Variants in NUP88 observed in about 807,000 individuals in gnomAD.
The protein encoded by NUP88 is nuclear pore complex protein Nup88.
A neutral mutation model predicts 93.9 loss-of-function variants in NUP88; 57 were observed. That is an observed-to-expected ratio of 0.61 (90% confidence interval 0.49 to 0.76). The LOEUF is 0.76. NUP88 is among the 30% of genes least tolerant of loss of function. NUP88 has a pLI of 0.00. For missense variants in NUP88, 911 were observed against 901.0 expected, an observed-to-expected ratio of 1.01 and a Z score of -0.14; for synonymous variants, 346 against 336.8, an observed-to-expected ratio of 1.03 and a Z score of -0.30.
chr17:5,415,743 CT>C (rs1437964556), intron 2 of NUP88, among the ~76,000 whole-genome samples: 2 of 152,182 alleles, frequency 1.3e-5, no homozygotes, highest in Non-Finnish European at 2.9e-5. Flanking sequence ...CCATTTTCAA[CT>C]TACACTGGGT....
At chr17:5,416,140 A>G (rs1431293787) in intron 2 of NUP88, among the ~76,000 whole-genome samples, 1 of 107,444 alleles carries the variant, frequency 9.3e-6, no homozygotes, top group African/African-American at 3.7e-5. Flanking sequence ...GCAAGACTCC[A>G]TCTCAAAAAA....
intron 11 of NUP88, chr17:5,388,237 G>T (rs1912173481): frequency 5.7e-6 from 1 of 176,050 alleles, no homozygotes; most frequent in Non-Finnish European, 1.2e-5. Context: ...CTGACCTTAG[G>T]TGATCCGCCT....
chr17:5,413,886 G>T, intron 3 of NUP88, 123 bp downstream of exon 3: 1 of 987,432 alleles, frequency 1.0e-6, no homozygotes, highest in Non-Finnish European at 1.5e-6. Flanking sequence ...GGTTACAACA[G>T]CCATCCAATA....
chr17:5,399,696 T>TA, intron 7 of NUP88, 46 bp from the exon 8 acceptor site: 5 of 1,020,494 alleles, frequency 4.9e-6, no homozygotes, highest in Non-Finnish European at 7.3e-6. Context: ...AGTGGATAAC[T>TA]AAAAAAATTT....
At chr17:5,408,025 C>T (rs1332913633) in intron 5 of NUP88, among the ~76,000 whole-genome samples, 5 of 152,048 alleles carry the variant, frequency 3.3e-5, no homozygotes, top group Admixed American at 6.6e-5. Context: ...ACTCTTTTAA[C>T]GAGGTATTTT....
chr17:5,386,798 T>G lies in NUP88; in HGVS notation c.2072A>C (p.Gln691Pro), dbSNP rs1204099758. ...AAGACTCAACACCTTCTCCATCTTT[T>G]GCTGTTGATAATCCTTTTTCATAGT... ...QVTMKKDYQQ[Q>P]KMEKVLSLPK... Residue 691 changes from glutamine to proline, a missense_variant, in exon 16 of 17, where the codon CAA (glutamine) becomes CCA (proline). Transcript: ENST00000573584. The G allele has an allele frequency of 1.2e-5, 20 of 1,613,836 alleles. No individual in the cohort carries two copies. Among genetic ancestry groups the G allele is most frequent in the Non-Finnish European group, 1.4e-5 (17 of 1,179,796 alleles).
chr17:5,404,112 G>A lies in NUP88; in HGVS notation c.1179C>T (p.Val393=), dbSNP rs780620399. The change falls in exon 7 of 17, where the codon GTC becomes GTT. Residue 393 remains valine (V), a synonymous_variant. Transcript: ENST00000573584. ...TGAAGAGCTTACCTCTATGAAGTTT[G>A]ACTGGACAAGAAAAGTCAGAATCAA... is the stretch of plus-strand genomic sequence containing the variant. ...DPFDSDFSCP[V]KLHRDPKCPS... 2.5e-6 allele frequency: 4 copies of A among 1,613,912 alleles called. No homozygotes were observed. The highest frequency in any genetic ancestry group is 2.2e-5 in the South Asian group (2 of 91,048).
At chr17:5,416,782 G>C in intron 1 of NUP88, 100 bp from the exon 2 acceptor site, 1 of 963,614 alleles carries the variant, frequency 1.0e-6, no homozygotes. Flanking sequence ...TACAATTATA[G>C]GATAATAAAA....
In NUP88 at chr17:5,399,718, G is replaced by A. The variant is rs1234379804; in HGVS notation, c.1193-68C>T. The A allele has an allele frequency of 1.5e-5, 12 of 778,216 alleles. No individual in the cohort carries two copies. In the East Asian group the frequency reaches 3.3e-4, roughly 21 times the overall value. The allele number at this position is 778,216 out of a possible 1,614,324, so 48.2% of individuals were successfully genotyped here. ...AACTAAAAAAATTTACCTCAAATTT[G>A]TTGGCTACTCCACATTAGCCTACAA... On this transcript the variant is annotated intron_variant, in intron 7 of 16. Transcript: ENST00000573584.
At chr17:5,396,474 T>G (rs1912782886) in intron 8 of NUP88, among the ~76,000 whole-genome samples, 1 of 152,232 alleles carries the variant, frequency 6.6e-6, no homozygotes, top group Admixed American at 6.5e-5. Context: ...CTTCATTCCT[T>G]TTCATTGTTG....
chr17:5,386,897 G>T, intron 15 of NUP88, 71 bp from the exon 16 acceptor site: 1 of 1,586,514 alleles, frequency 6.3e-7, no homozygotes, highest in African/African-American at 1.4e-5. Context: ...ATTTGAATCT[G>T]TTCTTTTTAC....
rs756158350 is a variant in NUP88, at chr17:5,385,115, T to C, written c.*1091A>G. 3.7e-4 allele frequency: 85 copies of C among 229,476 alleles called. No homozygotes were observed. The highest frequency in any genetic ancestry group is 6.0e-4 in the Non-Finnish European group (70 of 115,810). The allele number at this position is 229,476 out of a possible 1,614,324, so 14.2% of individuals were successfully genotyped here. A position where few individuals can be genotyped will look rare whatever the true frequency, so the allele number is the denominator to read the frequency against. On this transcript the variant is annotated 3_prime_UTR_variant, in exon 17 of 17. Transcript: ENST00000573584. Reference sequence around the variant, plus strand: ...AGGGAATGGTTAGTGGTCTCTACTGTGGCAAATGCCAACTGTTGGAATTCA... The same window carrying C: ...AGGGAATGGTTAGTGGTCTCTACTGCGGCAAATGCCAACTGTTGGAATTCA...
chr17:5,386,130 A>C lies in NUP88; in HGVS notation c.*76T>G, dbSNP rs1911941754. 2.8e-6 allele frequency: 3 copies of C among 1,086,770 alleles called. No individual in the cohort carries two copies. The South Asian group carries it at 4.5e-5, about 16-fold the overall frequency. The allele number at this position is 1,086,770 out of a possible 1,614,324, so 67.3% of individuals were successfully genotyped here. Reference sequence around the variant, plus strand: ...CAAAACACCTTTTTATAAATTAGATAATTCTACCTGTTTTACAATATGGGT... The same window carrying C: ...CAAAACACCTTTTTATAAATTAGATCATTCTACCTGTTTTACAATATGGGT... On this transcript the variant is annotated 3_prime_UTR_variant, in exon 17 of 17. Transcript: ENST00000573584.
At chr17:5,390,394 A>G (rs1912340896) in intron 10 of NUP88, among the ~76,000 whole-genome samples, 1 of 152,048 alleles carries the variant, frequency 6.6e-6, no homozygotes, top group Non-Finnish European at 1.5e-5. Flanking sequence ...CACAAAATTT[A>G]TATTTATTTT....
rs765573364 is a variant in NUP88 at position 5,387,368 on chromosome 17, G to C, written c.1916+18C>G. 1 of 1,601,908 alleles carries C rather than the reference G, an allele frequency of 6.2e-7. No homozygotes were observed. Among genetic ancestry groups the C allele is most frequent in the Non-Finnish European group, 8.6e-7 (1 of 1,169,172 alleles). On this transcript the variant is annotated intron_variant, in intron 14 of 16. Transcript: ENST00000573584. ...TTAGTACCTGACTAGGTAACTAAAT[G>C]TTATACAGCCCACTGACCTGTTCAT...
rs1051295736 is a variant in NUP88, at chr17:5,385,469, T to C, written c.*737A>G. 9 of 230,616 alleles carry C rather than the reference T, an allele frequency of 3.9e-5. No homozygotes were observed. The highest frequency in any genetic ancestry group is 1.5e-4 in the African/African-American group (7 of 45,168). 14.3% of individuals were successfully genotyped at this position (230,616 alleles called of 1,614,324 possible). Reference sequence around the variant, plus strand: ...TCACTCAGCCATTTCTAAGCAGATATAGTAGTACCTTTCAGAACTCACATT... The same window carrying C: ...TCACTCAGCCATTTCTAAGCAGATACAGTAGTACCTTTCAGAACTCACATT... On this transcript the variant is annotated 3_prime_UTR_variant, in exon 17 of 17. Transcript: ENST00000573584.
intron 3 of NUP88, among the ~76,000 whole-genome samples, chr17:5,411,479 A>G (rs28414104): frequency 0.46 from 69,854 of 151,188 alleles, 16,883 homozygotes; most frequent in East Asian, 0.84. Flanking sequence ...CAGGAGAATC[A>G]CTTGAACCTG....
chr17:5,389,130 C>T (rs1912247809), intron 10 of NUP88, among the ~76,000 whole-genome samples, 170 bp from the exon 11 acceptor site: 2 of 152,228 alleles, frequency 1.3e-5, no homozygotes, highest in Admixed American at 6.5e-5. Context: ...TGGGAAGCTA[C>T]ACCCTTATTA....
intron 5 of NUP88, among the ~76,000 whole-genome samples, chr17:5,406,868 G>A (rs139925243): frequency 0.015 from 2,276 of 152,246 alleles, 49 homozygotes; most frequent in African/African-American, 0.052. Context: ...TGGGCTGCGC[G>A]CAGCCCGTGG....
Sources: allele counts gnomAD v4.1 joint callset (sites outside exome capture counted in the v4.1 genomes callset), GRCh38; gene constraint gnomAD v4.1.1; transcripts MANE v1.5; gene names NCBI Gene and HGNC (gene_info 2026-07-23, HGNC 2026-07-21).